The following COG5 variants were observed in gnomAD, a reference collection of about 807,000 sequenced individuals.
COG5 encodes conserved oligomeric Golgi complex subunit 5.
A neutral mutation model predicts 110.4 loss-of-function variants in COG5; 86 were observed. The observed-to-expected ratio is 0.78, with a 90% CI of 0.65 to 0.93. The LOEUF is 0.93. COG5 is among the 40% of genes least tolerant of loss of function. COG5 has a pLI of 0.00. For synonymous variants in COG5, 360 were observed against 334.6 expected (o/e 1.08, Z -0.83); for missense variants, 1,077 against 987.0 (o/e 1.09, Z -1.22).
intron 3 of COG5, among the ~76,000 whole-genome samples, chr7:107,551,340 C>G (rs952642174): frequency 6.6e-6 from 1 of 152,142 alleles, no homozygotes; most frequent in African/African-American, 2.4e-5. Flanking sequence ...ATTGCTATAG[C>G]TTTCTGAAAC....
rs754546123 is a variant in COG5, at chr7:107,298,274, T to C, written c.1181A>G (p.Lys394Arg). Reference protein sequence around the residue: ...KLLRLYNDLWKRLQQYSQHIQ... With the variant: ...KLLRLYNDLWRRLQQYSQHIQ... ...ATGCTGACTGTATTGTTGAAGACGC[T>C]TCCATAAGTCATTATAAAGACGTAA... The change falls in exon 12 of 22, where the codon AAG becomes AGG. Residue 394 changes from lysine (K) to arginine (R), a missense_variant. By Grantham distance (26) the Lys-to-Arg change is conservative. Coordinates refer to ENST00000297135, the MANE Select transcript of COG5 (RefSeq NM_006348.5). 1.2e-6 allele frequency: 2 copies of C among 1,613,624 alleles called. No individual in the cohort carries two copies. The highest frequency in any genetic ancestry group is 8.5e-7 in the Non-Finnish European group (1 of 1,179,712).
chr7:107,541,521 A>AAAAAAT (rs1802011733), intron 5 of COG5, among the ~76,000 whole-genome samples: 1 of 58,982 alleles, frequency 1.7e-5, no homozygotes. Context: ...AAAAAAAAAA[A>AAAAAAT]AAATATATAT....
At chr7:107,232,830 T>G (rs953035698) in intron 18 of COG5, among the ~76,000 whole-genome samples, 2 of 152,142 alleles carry the variant, frequency 1.3e-5, no homozygotes, top group South Asian at 2.1e-4. Flanking sequence ...CATGTGCAAC[T>G]GCTTCTCTCC....
chr7:107,209,954 A>G (rs1303908528), intron 21 of COG5: 17 of 989,220 alleles, frequency 1.7e-5, no homozygotes, highest in Non-Finnish European at 2.0e-5. Flanking sequence ...TAAGCCATGT[A>G]TGACAGTTAA....
At chr7:107,250,457 A>T (rs1802418016) in intron 16 of COG5, among the ~76,000 whole-genome samples, 1 of 152,150 alleles carries the variant, frequency 6.6e-6, no homozygotes, top group African/African-American at 2.4e-5. Context: ...AAAAAAAAAA[A>T]ATCCTGTTTC....
intron 6 of COG5, among the ~76,000 whole-genome samples, chr7:107,433,573 A>G (rs773995272): frequency 6.6e-6 from 1 of 152,224 alleles, no homozygotes; most frequent in Non-Finnish European, 1.5e-5. Flanking sequence ...ATTCAACAGG[A>G]AAAGGACAGT....
At chr7:107,397,499 G>T (rs1791101829) in intron 7 of COG5, among the ~76,000 whole-genome samples, 1 of 151,832 alleles carries the variant, frequency 6.6e-6, no homozygotes, top group African/African-American at 2.4e-5. Flanking sequence ...TTGATTGAAA[G>T]ACAATATATA....
At position 107,554,361 on chromosome 7, in the gene COG5, T is replaced by C. The variant is rs948843542; in HGVS notation, c.235-19A>G. 2 of 1,609,734 alleles carry C rather than the reference T, an allele frequency of 1.2e-6. No individual in the cohort carries two copies. Among genetic ancestry groups the C allele is most frequent in the African/African-American group, 2.7e-5 (2 of 74,824 alleles). On this transcript the variant is annotated intron_variant, in intron 2 of 21. Transcript: ENST00000297135. ...CAACAACCTGAAAATCAAAAATAAA[T>C]GATTAGCTTTTGCTCTGTTAGGTAT...
At chr7:107,241,364 G>A (rs989590914) in intron 17 of COG5, among the ~76,000 whole-genome samples, 16 of 145,680 alleles carry the variant, frequency 1.1e-4, no homozygotes, top group South Asian at 4.3e-4. Flanking sequence ...TTTTTTTTTC[G>A]GTAGAATTCA....
intron 18 of COG5, among the ~76,000 whole-genome samples, chr7:107,233,663 T>C (rs1368221947): frequency 6.6e-6 from 1 of 152,204 alleles, no homozygotes; most frequent in African/African-American, 2.4e-5. Flanking sequence ...ACAAGAACAG[T>C]TTTTAAACCC....
chr7:107,367,970 C>A (rs1813779517), intron 8 of COG5, among the ~76,000 whole-genome samples: 2 of 151,618 alleles, frequency 1.3e-5, no homozygotes, highest in Admixed American at 1.3e-4. Context: ...TTAAAAGAAC[C>A]AGAGATTAAA....
At position 107,362,429 on chromosome 7, in the gene COG5, G is replaced by C; in HGVS notation, c.836-9C>G. Reference sequence around the variant, plus strand: ...AGATCGTCCAGGTCCCCCTGGTTATGAGTGAGAAAGAACAATGAAAAATAA... The same window carrying C: ...AGATCGTCCAGGTCCCCCTGGTTATCAGTGAGAAAGAACAATGAAAAATAA... On this transcript the variant is annotated splice_polypyrimidine_tract_variant and intron_variant, in intron 8 of 21. Transcript: ENST00000297135. 6.4e-7 allele frequency: 1 copy of C among 1,574,628 alleles called. No homozygotes were observed. Among genetic ancestry groups the C allele is most frequent in the Non-Finnish European group, 8.7e-7 (1 of 1,144,338 alleles).
Position 107,269,474 on chromosome 7 carries a change from C to CAA in COG5, c.1576-11093_1576-11092dup, listed in dbSNP as rs200139122. ...TGGGCGACAGAGCAAGACTCCGTCT[C>CAA]AAAAAAAAAAAAAAAAATTATATTC... On this transcript the variant is annotated intron_variant, in intron 14 of 21. Transcript: ENST00000297135. 4.5e-5 allele frequency among the ~76,000 whole-genome samples: 4 copies of CAA among 88,496 alleles called. 1 individual carries two copies. In the South Asian group the frequency reaches 1.1e-3, roughly 24 times the overall value. 58.1% of individuals were successfully genotyped at this position (88,496 alleles called of 152,430 possible).
intron 21 of COG5, chr7:107,207,941 A>G (rs1798894428): frequency 4.1e-6 from 4 of 985,346 alleles, no homozygotes; most frequent in South Asian, 4.7e-5. Context: ...GCTGGGAGGA[A>G]CAGAATGAGT....
chr7:107,304,894 C>A (rs1212229565), intron 11 of COG5, among the ~76,000 whole-genome samples: 4 of 152,140 alleles, frequency 2.6e-5, no homozygotes, highest in Non-Finnish European at 4.4e-5. Context: ...TTACTACATG[C>A]CAAATACTGT....
At chr7:107,440,115 A>G (rs1175431560) in intron 6 of COG5, among the ~76,000 whole-genome samples, 2 of 152,214 alleles carry the variant, frequency 1.3e-5, no homozygotes, top group Non-Finnish European at 2.9e-5. Context: ...AGTATTCTCC[A>G]CATCAGTAAA....
intron 14 of COG5, among the ~76,000 whole-genome samples, chr7:107,274,010 TTAAG>T (rs59057942): frequency 0.019 from 2,819 of 152,294 alleles, 82 homozygotes; most frequent in African/African-American, 0.063. Context: ...ACTGAAATCA[TTAAG>T]TAAATTACCA....
At chr7:107,304,151 C>T (rs144737439) in intron 11 of COG5, among the ~76,000 whole-genome samples, 240 of 152,278 alleles carry the variant, frequency 1.6e-3, no homozygotes, top group African/African-American at 5.5e-3. Flanking sequence ...TCTTTGTCTT[C>T]TTGAATTCAC....
intron 7 of COG5, among the ~76,000 whole-genome samples, chr7:107,403,479 T>A (rs1468203000): frequency 6.6e-6 from 1 of 151,952 alleles, no homozygotes; most frequent in Non-Finnish European, 1.5e-5. Context: ...ATGGTGGTTT[T>A]GCCGCACCCA....
Sources: allele counts gnomAD v4.1 joint callset (sites outside exome capture counted in the v4.1 genomes callset), GRCh38; gene constraint gnomAD v4.1.1; transcripts MANE v1.5; gene names NCBI Gene and HGNC (gene_info 2026-07-23, HGNC 2026-07-21).